SEC24B: variants seen among roughly 807,000 people sequenced by gnomAD.
The protein encoded by SEC24B is protein transport protein Sec24B.
A neutral mutation model predicts 142.8 loss-of-function variants in SEC24B; 45 were observed. That is an observed-to-expected ratio of 0.32 (90% CI 0.25 to 0.40). The LOEUF (loss-of-function observed/expected upper bound fraction) is 0.40. SEC24B is among the 10% of genes least tolerant of loss of function. The pLI, the probability that SEC24B is intolerant of heterozygous loss-of-function variation, is 1.00. For missense variants in SEC24B, 1,409 were observed against 1,526.8 expected (o/e 0.92, Z 1.29); for synonymous variants, 574 against 568.2 (o/e 1.01, Z -0.15).
In SEC24B at chr4:109,449,245, A is replaced by G. The variant is rs796267039; in HGVS notation, c.134-13656A>G. Among the ~76,000 whole-genome samples, 6 of 152,200 alleles carry G rather than the reference A, an allele frequency of 3.9e-5. No individual in the cohort carries two copies. In the East Asian group the frequency reaches 7.7e-4, roughly 20 times the overall value. The stretch of plus-strand genomic sequence containing the variant: ...CAATAGACATTTCTTTTCTTCTTTG[A>G]GGCAGTGTCTCACTGTCACCTGGGT... On this transcript the variant is annotated intron_variant, in intron 1 of 23. Coordinates refer to ENST00000265175, the MANE Select transcript of SEC24B (RefSeq NM_006323.5).
chr4:109,490,674 C>T (rs1314181650), intron 4 of SEC24B, among the ~76,000 whole-genome samples: 1 of 152,114 alleles, frequency 6.6e-6, no homozygotes, highest in Non-Finnish European at 1.5e-5. Context: ...ACTGAACTCT[C>T]ATCTTAACAG....
intron 19 of SEC24B, among the ~76,000 whole-genome samples, chr4:109,531,011 C>G (rs1284516264): frequency 6.6e-6 from 1 of 151,512 alleles, no homozygotes; most frequent in Admixed American, 6.6e-5. Flanking sequence ...GAGCAGTTTG[C>G]ATAATGGTGC....
intron 2 of SEC24B, among the ~76,000 whole-genome samples, chr4:109,467,992 C>CT (rs1206162041): frequency 6.6e-6 from 1 of 152,188 alleles, no homozygotes; most frequent in East Asian, 1.9e-4. Flanking sequence ...ACGCATGACA[C>CT]TAAGATATAG....
intron 6 of SEC24B, among the ~76,000 whole-genome samples, chr4:109,496,031 T>C (rs1242278281): frequency 6.6e-6 from 1 of 152,164 alleles, no homozygotes; most frequent in African/African-American, 2.4e-5. Context: ...ACAACTGATA[T>C]GATATTTATA....
In SEC24B at chr4:109,485,057, T is replaced by G. The variant is rs560884273; in HGVS notation, c.1165+3276T>G. On this transcript the variant is annotated intron_variant, in intron 4 of 23. Coordinates refer to ENST00000265175, the MANE Select transcript of SEC24B (RefSeq NM_006323.5). ...GTCTCCCTTGGTTTTTGTGTCAGTT[T>G]TTCTAGACTCACATCCCGACTTTTC... 3.3e-5 allele frequency among the ~76,000 whole-genome samples: 5 copies of G among 152,280 alleles called. No homozygotes were observed. The East Asian group carries it at 5.8e-4, about 18-fold the overall frequency.
At chr4:109,479,456 GA>G (rs1733505209) in intron 3 of SEC24B, among the ~76,000 whole-genome samples, 4 of 152,150 alleles carry the variant, frequency 2.6e-5, no homozygotes, top group Admixed American at 2.6e-4. Context: ...AAGAGAATCT[GA>G]ATTAGAGGCA....
intron 6 of SEC24B, among the ~76,000 whole-genome samples, chr4:109,504,154 C>T (rs1736456778): frequency 6.6e-6 from 1 of 152,166 alleles, no homozygotes; most frequent in South Asian, 2.1e-4. Flanking sequence ...TACCATCCCA[C>T]CACCACTTTT....
chr4:109,479,266 A>C (rs1733482162), intron 3 of SEC24B, among the ~76,000 whole-genome samples: 1 of 152,222 alleles, frequency 6.6e-6, no homozygotes, highest in South Asian at 2.1e-4. Flanking sequence ...GCTCTGGTTA[A>C]GATAGAATAA....
intron 18 of SEC24B, among the ~76,000 whole-genome samples, chr4:109,528,430 C>CAAA (rs35976480): frequency 5.1e-5 from 4 of 78,282 alleles, no homozygotes; most frequent in South Asian, 4.0e-4. Flanking sequence ...GACTGCATCT[C>CAAA]AAAAAAAAAA....
chr4:109,484,688 TAAAAATAAC>T lies in SEC24B; in HGVS notation c.1165+2914_1165+2922del. Among the ~76,000 whole-genome samples the T allele has an allele frequency of 2.0e-5, 3 of 152,076 alleles. No homozygotes were observed. The South Asian group carries it at 6.2e-4, about 32-fold the overall frequency. On this transcript the variant is annotated intron_variant, in intron 4 of 23. Coordinates refer to ENST00000265175, the MANE Select transcript of SEC24B (RefSeq NM_006323.5). ...CAACATGGTGAAACTCTGTCTCTAC[TAAAAATAAC>T]AAAAATTAGCCAGGTGTGGTGGCGC...
intron 22 of SEC24B, among the ~76,000 whole-genome samples, chr4:109,534,948 G>T (rs886093756): frequency 1.3e-5 from 2 of 152,174 alleles, no homozygotes; most frequent in Admixed American, 1.3e-4. Flanking sequence ...AGAGTGCTGG[G>T]ATTACAGGTG....
At position 109,538,564 on chromosome 4, in the gene SEC24B, C is replaced by A; in HGVS notation, c.3660C>A (p.Ser1220Arg). ...ARSFITWLRDSRPLSPILHIV... is the reference protein window; with the variant it reads ...ARSFITWLRDRRPLSPILHIV... ...CCTTCATAACTTGGCTTAGAGACAGCAGACCATTAAGTCCAATCCTTCACA... is the reference window on the plus strand; with the variant it reads ...CCTTCATAACTTGGCTTAGAGACAGAAGACCATTAAGTCCAATCCTTCACA... Residue 1220 changes from serine (S) to arginine (R), a missense_variant, in exon 23 of 24, where the codon AGC becomes AGA. By Grantham distance (110) the Ser-to-Arg change is moderately radical. Around this residue, in one of 2 missense-constraint regions of SEC24B, gnomAD observed 700 missense variants for 853.3 expected, o/e 0.82. Transcript: ENST00000265175. 1 of 1,610,438 alleles carries A rather than the reference C, an allele frequency of 6.2e-7. No individual in the cohort carries two copies. Among genetic ancestry groups the A allele is most frequent in the South Asian group, 1.1e-5 (1 of 90,974 alleles).
In SEC24B at chr4:109,538,540, C is replaced by T; in HGVS notation, c.3636C>T (p.Ser1212=). The T allele has an allele frequency of 6.2e-7, 1 of 1,613,414 alleles. No homozygotes were observed. Among genetic ancestry groups the T allele is most frequent in the Non-Finnish European group, 8.5e-7 (1 of 1,179,432 alleles). Reference sequence around the variant, plus strand: ...CACTTTCATCAGAAAGAGCCAGATCCTTCATAACTTGGCTTAGAGACAGCA... The same window carrying T: ...CACTTTCATCAGAAAGAGCCAGATCTTTCATAACTTGGCTTAGAGACAGCA... The part of the protein sequence containing the change: ...LDTLSSERAR[S]FITWLRDSRP... Residue 1212 remains serine (S), a synonymous_variant, in exon 23 of 24, where the codon TCC becomes TCT. Coordinates refer to ENST00000265175, the MANE Select transcript of SEC24B (RefSeq NM_006323.5).
At chr4:109,438,426 A>T (rs2125888627) in intron 1 of SEC24B, among the ~76,000 whole-genome samples, 1 of 152,222 alleles carries the variant, frequency 6.6e-6, no homozygotes, top group East Asian at 1.9e-4. Flanking sequence ...CAGTCTTCCC[A>T]CCATGGCTTC....
intron 22 of SEC24B, among the ~76,000 whole-genome samples, chr4:109,536,078 A>AT (rs70954161): frequency 0.17 from 26,517 of 151,614 alleles, 2,606 homozygotes; most frequent in African/African-American, 0.27. Flanking sequence ...TCATTGTTTG[A>AT]TTTTTTTTTA....
intron 2 of SEC24B, among the ~76,000 whole-genome samples, chr4:109,470,626 A>G (rs1468305185): frequency 6.6e-6 from 1 of 152,264 alleles, no homozygotes; most frequent in Non-Finnish European, 1.5e-5. Flanking sequence ...GGAAACTTGC[A>G]CATCTATACC....
intron 6 of SEC24B, among the ~76,000 whole-genome samples, chr4:109,503,124 A>G (rs532908683): frequency 7.7e-4 from 114 of 147,394 alleles, no homozygotes; most frequent in Non-Finnish European, 1.3e-3. Flanking sequence ...CAGTGGTGCG[A>G]TCTTGGCTCA....
At chr4:109,470,479 A>G (rs73838600) in intron 2 of SEC24B, among the ~76,000 whole-genome samples, 1,843 of 152,328 alleles carry the variant, frequency 0.012, 39 homozygotes, top group African/African-American at 0.043. Context: ...ATACTGGACA[A>G]AGAGACTAGT....
rs1733741389 is a variant in SEC24B, at chr4:109,481,579, AT to A, written c.1061-97del. The A allele has an allele frequency of 8.1e-6, 6 of 738,322 alleles. No homozygotes were observed. In the South Asian group the frequency reaches 8.6e-5, roughly 11 times the overall value. 45.7% of individuals were successfully genotyped at this position (738,322 alleles called of 1,614,324 possible). Reference sequence around the variant, plus strand: ...TATGCATGTTGGGATGTTCTTTGGAATGTCAGAGTTCTTTCTCACTTTTAAT... The same window carrying A: ...TATGCATGTTGGGATGTTCTTTGGAAGTCAGAGTTCTTTCTCACTTTTAAT... On this transcript the variant is annotated intron_variant, in intron 3 of 23. Coordinates refer to ENST00000265175, the MANE Select transcript of SEC24B (RefSeq NM_006323.5).
Sources: gnomAD v4.1 joint callset for allele counts (sites outside exome capture counted in the v4.1 genomes callset) on GRCh38, gnomAD v4.1.1 for gene constraint, gnomAD v4.1.1 regional missense constraint, MANE v1.5 for transcripts, NCBI Gene and HGNC (gene_info 2026-07-23, HGNC 2026-07-21) for gene names.